ULK4: variants seen among roughly 807,000 people sequenced by gnomAD.
The protein encoded by ULK4 is unc-51 like kinase 4.
A neutral mutation model predicts 160.6 loss-of-function variants in ULK4; 133 were observed. The observed-to-expected ratio is 0.83, with a 90% confidence interval of 0.72 to 0.96. ULK4 has a LOEUF of 0.96. Ranked by LOEUF, ULK4 falls within the 40% of genes least tolerant of loss-of-function variation. The probability of loss-of-function intolerance (pLI) is 0.00; values close to 1 mark genes in which losing one functional copy is unlikely to be tolerated. For missense variants in ULK4, 1,580 were observed against 1,499.5 expected (o/e 1.05, Z -0.89); for synonymous variants, 534 against 539.8 (o/e 0.99, Z 0.15).
At chr3:41,933,355 T>C (rs987127275) in intron 4 of ULK4, among the ~76,000 whole-genome samples, 20 of 152,210 alleles carry the variant, frequency 1.3e-4, no homozygotes, top group African/African-American at 4.6e-4. Flanking sequence ...TTTTAGACTT[T>C]ACGAGCCATA....
intron 31 of ULK4, among the ~76,000 whole-genome samples, chr3:41,592,378 C>T (rs1028785616): frequency 1.3e-5 from 2 of 151,984 alleles, no homozygotes; most frequent in African/African-American, 2.4e-5. Context: ...GGTCCTCGGG[C>T]GGGCTGCCTA....
At position 41,898,467 on chromosome 3, in the gene ULK4, A is replaced by C; in HGVS notation, c.1313T>G (p.Phe438Cys). Residue 438 changes from phenylalanine (F) to cysteine (C), a missense_variant, in exon 14 of 37, where the codon TTT becomes TGT. Phe to Cys is a radical substitution (Grantham distance 205, BLOSUM62 -2). Transcript: ENST00000301831. ...PKIMKQPPVK[F>C]DAKILHLPTY... ...TGGTAGATGCAATATTTTTGCATCA[A>C]ATTTAACTGGTGGCTGTTTCATTAT... The C allele has an allele frequency of 6.3e-7, 1 of 1,599,174 alleles. No homozygotes were observed. The highest frequency in any genetic ancestry group is 8.5e-7 in the Non-Finnish European group (1 of 1,174,314).
chr3:41,759,408 G>A (rs1002384228), intron 21 of ULK4, among the ~76,000 whole-genome samples: 2 of 152,040 alleles, frequency 1.3e-5, no homozygotes, highest in African/African-American at 4.8e-5. Flanking sequence ...CAACAACAAA[G>A]AAGTATTGCT....
intron 4 of ULK4, among the ~76,000 whole-genome samples, chr3:41,933,862 C>T (rs1699675532): frequency 6.6e-6 from 1 of 151,986 alleles, no homozygotes; most frequent in Admixed American, 6.6e-5. Flanking sequence ...CCAGCCTGGC[C>T]AACACGGTAA....
intron 17 of ULK4, among the ~76,000 whole-genome samples, chr3:41,860,899 G>GTTGT (rs371514635): frequency 7.9e-5 from 12 of 151,204 alleles, no homozygotes; most frequent in African/African-American, 1.7e-4. Context: ...TTTTTTTGTT[G>GTTGT]TTGTTTGTTT....
intron 5 of ULK4, among the ~76,000 whole-genome samples, chr3:41,925,433 C>G (rs564935601): frequency 1.1e-4 from 17 of 152,316 alleles, no homozygotes; most frequent in Admixed American, 1.0e-3. Context: ...CCTCTGGTGC[C>G]TACGCCACCA....
intron 35 of ULK4, among the ~76,000 whole-genome samples, chr3:41,388,542 A>G (rs181586808): frequency 4.6e-5 from 7 of 152,078 alleles, no homozygotes; most frequent in Admixed American, 1.3e-4. Context: ...ATCTTGAATT[A>G]ATTTTTGTCT....
chr3:41,924,242 G>T (rs144157211), intron 5 of ULK4, among the ~76,000 whole-genome samples: 1 of 152,108 alleles, frequency 6.6e-6, no homozygotes, highest in African/African-American at 2.4e-5. Context: ...TTTTTCATGT[G>T]CCTTGCTCAT....
chr3:41,739,662 A>G (rs893106189), intron 22 of ULK4, among the ~76,000 whole-genome samples: 5 of 151,918 alleles, frequency 3.3e-5, no homozygotes, highest in African/African-American at 7.3e-5. Flanking sequence ...CATGTTCACT[A>G]ACAGGCATCC....
chr3:41,903,724 T>C (rs931311512), intron 12 of ULK4, among the ~76,000 whole-genome samples: 1 of 152,052 alleles, frequency 6.6e-6, no homozygotes, highest in Non-Finnish European at 1.5e-5. Context: ...AGCAAAAATA[T>C]ATAAAATAAA....
At chr3:41,484,041 T>C (rs1247766412) in intron 32 of ULK4, among the ~76,000 whole-genome samples, 1 of 152,162 alleles carries the variant, frequency 6.6e-6, no homozygotes, top group Non-Finnish European at 1.5e-5. Flanking sequence ...TCTTTTCTAA[T>C]ATGTCAAAAG....
chr3:41,879,656 T>C (rs1290568635), intron 17 of ULK4, among the ~76,000 whole-genome samples: 2 of 152,082 alleles, frequency 1.3e-5, no homozygotes, highest in Non-Finnish European at 2.9e-5. Flanking sequence ...AACTCTATTT[T>C]TTCTAGAGAC....
intron 30 of ULK4, among the ~76,000 whole-genome samples, chr3:41,648,329 G>A (rs574029128): frequency 1.6e-4 from 25 of 152,142 alleles, no homozygotes; most frequent in African/African-American, 3.9e-4. Context: ...GTTCCTATTC[G>A]GCCATCTTGG....
At chr3:41,415,589 AG>A (rs1428452589) in intron 34 of ULK4, among the ~76,000 whole-genome samples, 1 of 152,166 alleles carries the variant, frequency 6.6e-6, no homozygotes, top group Non-Finnish European at 1.5e-5. Context: ...TATTTTCAAA[AG>A]GGTGCCTCCA....
chr3:41,252,475 T>C (rs2078760024), intron 35 of ULK4, among the ~76,000 whole-genome samples: 1 of 151,768 alleles, frequency 6.6e-6, no homozygotes, highest in African/African-American at 2.4e-5. Context: ...ACTAAAAACA[T>C]AATAACCACA....
intron 17 of ULK4, among the ~76,000 whole-genome samples, chr3:41,863,960 A>T (rs1393517862): frequency 6.6e-6 from 1 of 151,984 alleles, no homozygotes; most frequent in East Asian, 1.9e-4. Flanking sequence ...CTGGCATCTC[A>T]GTATGTCATG....
chr3:41,274,337 T>C (rs1194103133), intron 35 of ULK4, among the ~76,000 whole-genome samples: 1 of 152,222 alleles, frequency 6.6e-6, no homozygotes, highest in Non-Finnish European at 1.5e-5. Context: ...CTTTTGTGCA[T>C]GTGCATTGGT....
chr3:41,762,612 C>A (rs2039021669), intron 21 of ULK4, among the ~76,000 whole-genome samples: 1 of 150,378 alleles, frequency 6.6e-6, no homozygotes, highest in African/African-American at 2.4e-5. Flanking sequence ...CCATGTCTTA[C>A]CTGGTGACAG....
chr3:41,959,119 TTTGGGGGGCCGAGGAGGG>T (rs1576023929), intron 1 of ULK4, among the ~76,000 whole-genome samples: 1 of 152,024 alleles, frequency 6.6e-6, no homozygotes, highest in Non-Finnish European at 1.5e-5. Context: ...ATCCCAGCAC[TTTGGGGGGCCGAGGAGGG>T]TGGATCACCT....
Sources: gnomAD v4.1 joint callset for allele counts (sites outside exome capture counted in the v4.1 genomes callset) on GRCh38, gnomAD v4.1.1 for gene constraint, MANE v1.5 for transcripts, NCBI Gene and HGNC (gene_info 2026-07-23, HGNC 2026-07-21) for gene names.